Variants in CRTC3 observed in about 807,000 individuals in gnomAD.
CRTC3 encodes the protein CREB-regulated transcription coactivator 3.
Under a neutral mutation model 74.5 loss-of-function variants are expected in CRTC3, and 26 were observed. The observed-to-expected ratio is 0.35, with a 90% CI of 0.26 to 0.48. The LOEUF (loss-of-function observed/expected upper bound fraction) is 0.48, where lower values mean the gene tolerates loss of function less well. CRTC3 is among the 20% of genes least tolerant of loss of function. CRTC3 has a pLI of 0.99. For missense variants in CRTC3, 760 were observed against 787.3 expected, an observed-to-expected ratio of 0.97 and a Z score of 0.41; for synonymous variants, 377 against 325.8, an observed-to-expected ratio of 1.16 and a Z score of -1.69.
At chr15:90,627,696 A>T (rs12909246) in intron 10 of CRTC3, among the ~76,000 whole-genome samples, 26,676 of 149,100 alleles carry the variant, frequency 0.18, 2,425 homozygotes, top group Middle Eastern at 0.19. Context: ...ATCTCGGCTC[A>T]CTGCAAGCTC....
chr15:90,604,281 G>A, intron 4 of CRTC3, 104 bp from the exon 5 acceptor site: 2 of 833,074 alleles, frequency 2.4e-6, no homozygotes, highest in South Asian at 1.4e-5. Context: ...CTCTTGCAGA[G>A]CGAGGTGAGT....
At chr15:90,590,955 GTT>G (rs1967785347) in intron 2 of CRTC3, among the ~76,000 whole-genome samples, 1 of 151,966 alleles carries the variant, frequency 6.6e-6, no homozygotes, top group Admixed American at 6.6e-5. Context: ...AAGAGCTTTT[GTT>G]TTGTTTTTTG....
Position 90,625,783 on chromosome 15 carries a change from C to A in CRTC3, c.757C>A (p.Pro253Thr). The A allele has an allele frequency of 6.2e-7, 1 of 1,613,674 alleles. No homozygotes were observed. The part of the protein sequence containing the change: ...SCDVGGGNAF[P>T]HNGQNLGLSP... ...TAATCTTTCTTTTTTCAGTGCTTTT[C>A]CACATAATGGTCAAAACCTAGGCCT... The change falls in exon 10 of 15, where the codon CCA becomes ACA. Residue 253 changes from proline to threonine, a missense_variant. Physicochemically the swap from Pro to Thr is conservative, Grantham distance 38. This residue lies in a region of CRTC3 where 652 missense variants were observed against 635.2 expected (regional missense o/e 1.03). Transcript: ENST00000268184.
At position 90,572,642 on chromosome 15, in the gene CRTC3, C is replaced by G. The variant is rs147833213; in HGVS notation, c.232-20994C>G. ...CCAGGCTGGAGTGCAGTAGTGCAAT[C>G]TTGGCTTACTGTAACTTCCACCTCC... On this transcript the variant is annotated intron_variant, in intron 2 of 14. Coordinates refer to ENST00000268184, the MANE Select transcript of CRTC3 (RefSeq NM_022769.5). Among the ~76,000 whole-genome samples, 1,372 of 152,258 alleles carry G rather than the reference C, an allele frequency of 9.0e-3. 47 individuals carry two copies. The East Asian group carries it at 0.12, about 13-fold the overall frequency.
intron 14 of CRTC3, among the ~76,000 whole-genome samples, chr15:90,641,627 G>A (rs1020644521): frequency 6.6e-6 from 1 of 151,842 alleles, no homozygotes; most frequent in African/African-American, 2.4e-5. Flanking sequence ...AACCCAGGAG[G>A]TGGAGCTTGC....
At chr15:90,613,185 GAA>G (rs34111646) in intron 6 of CRTC3, among the ~76,000 whole-genome samples, 1,825 of 114,008 alleles carry the variant, frequency 0.016, 30 homozygotes, top group South Asian at 0.059. Flanking sequence ...TCTGTCTCGG[GAA>G]AAAAAAAAAA....
chr15:90,598,615 A>T lies in CRTC3; in HGVS notation c.352-3709A>T, dbSNP rs546985797. 8 of 681,688 alleles carry T rather than the reference A, an allele frequency of 1.2e-5. No homozygotes were observed. The African/African-American group carries it at 1.2e-4, about 11-fold the overall frequency. 42.2% of individuals were successfully genotyped at this position (681,688 alleles called of 1,614,324 possible). On this transcript the variant is annotated intron_variant, in intron 3 of 14. Coordinates refer to ENST00000268184, the MANE Select transcript of CRTC3 (RefSeq NM_022769.5). The stretch of plus-strand genomic sequence containing the variant: ...GTGGACGGTGGCCTCACTAAATGAG[A>T]TGGACTATAAGAAGAGGAACAGATT...
intron 2 of CRTC3, among the ~76,000 whole-genome samples, chr15:90,557,183 A>C (rs1966910805): frequency 6.6e-6 from 1 of 152,064 alleles, no homozygotes; most frequent in Admixed American, 6.6e-5. Flanking sequence ...CTGAGAACAA[A>C]CTTAGCAAAT....
At chr15:90,538,344 T>C (rs1286552968) in intron 1 of CRTC3, among the ~76,000 whole-genome samples, 1 of 152,038 alleles carries the variant, frequency 6.6e-6, no homozygotes, top group Non-Finnish European at 1.5e-5. Flanking sequence ...CACCATGTCG[T>C]CCTCCTCATG....
chr15:90,556,854 T>G (rs976160354), intron 2 of CRTC3, among the ~76,000 whole-genome samples: 2 of 151,870 alleles, frequency 1.3e-5, no homozygotes, highest in African/African-American at 4.8e-5. Context: ...GACTACTTTC[T>G]AATTGCTTAA....
intron 2 of CRTC3, among the ~76,000 whole-genome samples, chr15:90,585,567 A>T (rs1967641319): frequency 6.6e-6 from 1 of 152,196 alleles, no homozygotes; most frequent in Admixed American, 6.5e-5. Context: ...CGGTGAGGTA[A>T]AGAGAATACT....
rs572684780 is a variant in CRTC3, at chr15:90,553,873, A to T, written c.231+13736A>T. Among the ~76,000 whole-genome samples the T allele has an allele frequency of 1.2e-4, 18 of 152,356 alleles. No homozygotes were observed. In the East Asian group the frequency reaches 2.9e-3, roughly 24 times the overall value. ...GTCTATCCATGGGATAAAACCAATG[A>T]TCTACTTGAAAAGAAATACGACAAG... On this transcript the variant is annotated intron_variant, in intron 2 of 14. Transcript: ENST00000268184.
chr15:90,540,855 A>C (rs1200305422), intron 2 of CRTC3, among the ~76,000 whole-genome samples: 2 of 152,248 alleles, frequency 1.3e-5, no homozygotes, highest in African/African-American at 4.8e-5. Flanking sequence ...GCATAAAAAA[A>C]CTGAGAAATC....
intron 2 of CRTC3, among the ~76,000 whole-genome samples, chr15:90,591,761 C>T (rs1967806752): frequency 6.6e-6 from 1 of 152,222 alleles, no homozygotes; most frequent in Non-Finnish European, 1.5e-5. Flanking sequence ...TGTGCCACTG[C>T]ACTCCAGCCT....
chr15:90,556,020 T>A (rs1235778370), intron 2 of CRTC3, among the ~76,000 whole-genome samples: 2 of 152,124 alleles, frequency 1.3e-5, no homozygotes, highest in East Asian at 3.8e-4. Flanking sequence ...ACCATTTTAA[T>A]GTTAAGTTTA....
chr15:90,591,809 TC>T (rs1398970314), intron 2 of CRTC3, among the ~76,000 whole-genome samples: 5 of 152,130 alleles, frequency 3.3e-5, no homozygotes, highest in African/African-American at 1.2e-4. Context: ...AAAAAAGAGA[TC>T]CTGTGTCCTC....
At chr15:90,634,739 G>A (rs1479487271) in intron 11 of CRTC3, 22 of 840,152 alleles carry the variant, frequency 2.6e-5, no homozygotes, top group African/African-American at 6.7e-5. Flanking sequence ...CAGGACAAGC[G>A]TGTAGAAAGT....
chr15:90,606,486 C>T (rs989962921), intron 5 of CRTC3, among the ~76,000 whole-genome samples: 4 of 151,848 alleles, frequency 2.6e-5, no homozygotes, highest in Non-Finnish European at 4.4e-5. Flanking sequence ...TTCTTGAACA[C>T]GGGAGGCAGA....
Position 90,530,227 on chromosome 15 carries a change from C to G in CRTC3, c.132+24C>G. 1.8e-6 allele frequency: 2 copies of G among 1,094,448 alleles called. No homozygotes were observed. Among genetic ancestry groups the G allele is most frequent in the Non-Finnish European group, 2.2e-6 (2 of 898,462 alleles). The allele number at this position is 1,094,448 out of a possible 1,614,324, so 67.8% of individuals were successfully genotyped here. Reference sequence around the variant, plus strand: ...GGGTGAGGGCCCGGGCCGGCGCGGGCGGGGGCGGCCACGGCCGCGGGCGGG... The same window carrying G: ...GGGTGAGGGCCCGGGCCGGCGCGGGGGGGGGCGGCCACGGCCGCGGGCGGG... On this transcript the variant is annotated intron_variant, in intron 1 of 14. Coordinates refer to ENST00000268184, the MANE Select transcript of CRTC3 (RefSeq NM_022769.5). The surrounding 1 kb of genome is among the most constrained non-coding windows in gnomAD (Gnocchi z 6.2).
Sources: allele counts gnomAD v4.1 joint callset (sites outside exome capture counted in the v4.1 genomes callset), GRCh38; gene constraint gnomAD v4.1.1; regional missense constraint gnomAD v4.1.1; non-coding constraint Gnocchi (gnomAD v3.1); transcripts MANE v1.5; gene names NCBI Gene and HGNC (gene_info 2026-07-23, HGNC 2026-07-21).